MAP2K5: variants seen among roughly 807,000 people sequenced by gnomAD.
MAP2K5 encodes the protein mitogen-activated protein kinase kinase 5.
MAP2K5 carries 49 observed loss-of-function variants against 83.1 expected under a neutral mutation model. The observed-to-expected ratio is 0.59, with a 90% CI of 0.47 to 0.75. The LOEUF (loss-of-function observed/expected upper bound fraction) is 0.75. Ranked by LOEUF, MAP2K5 falls within the 30% of genes least tolerant of loss-of-function variation. MAP2K5 has a pLI of 0.00. For synonymous variants in MAP2K5, 202 were observed against 191.8 expected, an observed-to-expected ratio of 1.05 and a Z score of -0.44; for missense variants, 457 against 557.5, an observed-to-expected ratio of 0.82 and a Z score of 1.82.
At position 67,563,487 on chromosome 15, in the gene MAP2K5, GA is replaced by G; in HGVS notation, c.252+138del. ...CTATATAATAGGTAAAGGTTTCAAG[GA>G]TTTCCGTATGTGAAAGTTAAGGGCA... On this transcript the variant is annotated intron_variant, in intron 3 of 21. Coordinates refer to ENST00000178640, the MANE Select transcript of MAP2K5 (RefSeq NM_145160.3). The surrounding 1 kb of genome is among the most constrained non-coding windows in gnomAD (Gnocchi z 4.5). 9.1e-7 allele frequency: 1 copy of G among 1,098,122 alleles called. No homozygotes were observed. The highest frequency in any genetic ancestry group is 1.3e-6 in the Non-Finnish European group (1 of 797,082). 68.0% of individuals were successfully genotyped at this position (1,098,122 alleles called of 1,614,324 possible). A position where few individuals can be genotyped will look rare whatever the true frequency, so the allele number is the denominator to read the frequency against.
At chr15:67,681,206 G>A (rs1294982723) in intron 13 of MAP2K5, among the ~76,000 whole-genome samples, 1 of 152,134 alleles carries the variant, frequency 6.6e-6, no homozygotes, top group Non-Finnish European at 1.5e-5. Flanking sequence ...CAGATATCAG[G>A]ATATCATATA....
chr15:67,618,794 G>T (rs764769755), intron 8 of MAP2K5, among the ~76,000 whole-genome samples: 1 of 151,950 alleles, frequency 6.6e-6, no homozygotes, highest in Non-Finnish European at 1.5e-5. Flanking sequence ...CTGTTTTCTT[G>T]CTACCCTATT....
chr15:67,667,568 A>T (rs2087412929), intron 13 of MAP2K5, among the ~76,000 whole-genome samples: 1 of 152,074 alleles, frequency 6.6e-6, no homozygotes, highest in Non-Finnish European at 1.5e-5. Context: ...TGAGTGATCT[A>T]TACCTCTTCC....
chr15:67,802,335 G>T lies in MAP2K5; in HGVS notation c.1243-4311G>T, dbSNP rs906018433. ...TCATGACTATGATATTTTCACCAATGTCCCTCATTGTGCTTCTCAGCCCTG... is the reference window on the plus strand; with the variant it reads ...TCATGACTATGATATTTTCACCAATTTCCCTCATTGTGCTTCTCAGCCCTG... On this transcript the variant is annotated intron_variant, in intron 21 of 21. Coordinates refer to ENST00000178640, the MANE Select transcript of MAP2K5 (RefSeq NM_145160.3). The surrounding 1 kb of genome is among the most constrained non-coding windows in gnomAD (Gnocchi z 5.0). 1.3e-5 allele frequency among the ~76,000 whole-genome samples: 2 copies of T among 152,200 alleles called. No individual in the cohort carries two copies. Among genetic ancestry groups the T allele is most frequent in the African/African-American group, 4.8e-5 (2 of 41,430 alleles).
chr15:67,670,545 T>A (rs1380674483), intron 13 of MAP2K5: 5 of 442,216 alleles, frequency 1.1e-5, no homozygotes, highest in Non-Finnish European at 2.3e-5. Flanking sequence ...TTCTTACATC[T>A]TAGCAGTGCA....
Position 67,749,360 on chromosome 15 carries a change from G to T in MAP2K5, c.1134+759G>T, listed in dbSNP as rs1278068216. 6.6e-6 allele frequency among the ~76,000 whole-genome samples: 1 copy of T among 152,042 alleles called. No individual in the cohort carries two copies. The highest frequency in any genetic ancestry group is 6.6e-5 in the Admixed American group (1 of 15,262). The stretch of plus-strand genomic sequence containing the variant: ...CATTAACATTTTCTTTAAAAACTGA[G>T]ATTTTTGGGGCTTGGGTTTGCCTAC... On this transcript the variant is annotated intron_variant, in intron 19 of 21. Coordinates refer to ENST00000178640, the MANE Select transcript of MAP2K5 (RefSeq NM_145160.3). The surrounding 1 kb of genome is among the most constrained non-coding windows in gnomAD (Gnocchi z 4.6).
intron 8 of MAP2K5, among the ~76,000 whole-genome samples, chr15:67,616,909 G>T (rs1052475646): frequency 1.3e-5 from 2 of 152,144 alleles, no homozygotes; most frequent in African/African-American, 2.4e-5. Context: ...GAGTAATTGT[G>T]TCCCTCTTTT....
intron 16 of MAP2K5, among the ~76,000 whole-genome samples, chr15:67,725,346 G>A (rs1328771435): frequency 6.6e-6 from 1 of 152,222 alleles, no homozygotes; most frequent in African/African-American, 2.4e-5. Context: ...GCAACCGGAA[G>A]CTTTGTGTTG....
intron 3 of MAP2K5, among the ~76,000 whole-genome samples, chr15:67,564,307 G>A (rs2084796957): frequency 6.6e-6 from 1 of 152,140 alleles, no homozygotes; most frequent in Non-Finnish European, 1.5e-5. Flanking sequence ...CCTTTGAAAA[G>A]TTAAAAGTTC....
intron 17 of MAP2K5, among the ~76,000 whole-genome samples, chr15:67,739,050 C>G (rs1180441587): frequency 6.6e-6 from 1 of 152,116 alleles, no homozygotes; most frequent in African/African-American, 2.4e-5. Context: ...GAGCCCAAGG[C>G]AGGAGACTCA....
In MAP2K5 at chr15:67,755,104, A is replaced by T. The variant is rs1297986603; in HGVS notation, c.1134+6503A>T. Among the ~76,000 whole-genome samples, 2 of 151,990 alleles carry T rather than the reference A, an allele frequency of 1.3e-5. No individual in the cohort carries two copies. The highest frequency in any genetic ancestry group is 4.8e-5 in the African/African-American group (2 of 41,380). Reference sequence around the variant, plus strand: ...ATCCTCCCACCTCAGCCTCCCAAGTAACTAGGATTACAGGTGTGCACCACC... The same window carrying T: ...ATCCTCCCACCTCAGCCTCCCAAGTTACTAGGATTACAGGTGTGCACCACC... On this transcript the variant is annotated intron_variant, in intron 19 of 21. Coordinates refer to ENST00000178640, the MANE Select transcript of MAP2K5 (RefSeq NM_145160.3). This position sits in a 1 kb window ranked among gnomAD's most constrained non-coding sequence, Gnocchi z 4.7.
chr15:67,599,795 G>A (rs947672463), intron 7 of MAP2K5, among the ~76,000 whole-genome samples: 1 of 151,410 alleles, frequency 6.6e-6, no homozygotes, highest in African/African-American at 2.4e-5. Flanking sequence ...TAATTTTTAA[G>A]CATCTGGACC....
At chr15:67,659,935 AAT>A (rs1790868707) in intron 12 of MAP2K5, among the ~76,000 whole-genome samples, 7 of 152,166 alleles carry the variant, frequency 4.6e-5, no homozygotes. Flanking sequence ...TGTTGAAGTG[AAT>A]AGAGTCAGCA....
At chr15:67,800,949 T>TA (rs1262369384) in intron 21 of MAP2K5, among the ~76,000 whole-genome samples, 1 of 152,192 alleles carries the variant, frequency 6.6e-6, no homozygotes, top group Non-Finnish European at 1.5e-5. Flanking sequence ...AGATCACCAG[T>TA]ATTCAGTGTA....
At chr15:67,596,294 T>C (rs765445181) in intron 7 of MAP2K5, among the ~76,000 whole-genome samples, 1 of 152,092 alleles carries the variant, frequency 6.6e-6, no homozygotes, top group Non-Finnish European at 1.5e-5. Context: ...TGGCGGCCCA[T>C]GCCCAGCTAC....
intron 3 of MAP2K5, among the ~76,000 whole-genome samples, chr15:67,568,055 A>C (rs1215210199): frequency 6.6e-6 from 1 of 152,162 alleles, no homozygotes; most frequent in Non-Finnish European, 1.5e-5. Context: ...GGTTCTCTTA[A>C]TATTGAGAGG....
At chr15:67,547,758 G>C (rs1402626015) in intron 1 of MAP2K5, among the ~76,000 whole-genome samples, 1 of 152,004 alleles carries the variant, frequency 6.6e-6, no homozygotes, top group Admixed American at 6.6e-5. Context: ...CGCCCATCCC[G>C]GTTTTCTTTT....
chr15:67,796,334 T>C (rs2090604104), intron 21 of MAP2K5, among the ~76,000 whole-genome samples: 1 of 152,222 alleles, frequency 6.6e-6, no homozygotes. Flanking sequence ...AGTGATTTAG[T>C]TGGCTCACAG....
intron 9 of MAP2K5, among the ~76,000 whole-genome samples, chr15:67,643,796 C>T (rs369356913): frequency 3.5e-4 from 53 of 152,180 alleles, no homozygotes; most frequent in African/African-American, 1.2e-3. Flanking sequence ...CCCCACCTTC[C>T]GCTTCCCCAA....
Sources: allele counts gnomAD v4.1 joint callset (sites outside exome capture counted in the v4.1 genomes callset), GRCh38; gene constraint gnomAD v4.1.1; non-coding constraint Gnocchi (gnomAD v3.1); transcripts MANE v1.5; gene names NCBI Gene and HGNC (gene_info 2026-07-23, HGNC 2026-07-21).